The following CLPTM1L variants were observed in gnomAD, a reference collection of about 807,000 sequenced individuals.
CLPTM1L encodes lipid scramblase CLPTM1L.
In CLPTM1L, 38 loss-of-function variants were observed where a neutral mutation model predicts 70.9. That is an observed-to-expected ratio of 0.54 (90% CI 0.41 to 0.70). The LOEUF is 0.70. CLPTM1L is among the 30% of genes least tolerant of loss of function. CLPTM1L has a pLI of 0.00. For missense variants in CLPTM1L, 652 were observed against 705.9 expected (o/e 0.92, Z 0.87); for synonymous variants, 339 against 299.9 (o/e 1.13, Z -1.35).
chr5:1,344,400 C>T lies in CLPTM1L; in HGVS notation c.214G>A (p.Asp72Asn), dbSNP rs1754140803. ...RSHLGAENNI[D>N]LVLNVEDFDV... ...AAGTCTTCCACATTCAAGACCAGGT[C>T]GATGTTGTTCTCAGCACCCAGGTGG... Residue 72 changes from aspartate to asparagine, a missense_variant, in exon 2 of 17, where the codon GAC becomes AAC. Asp to Asn is a conservative substitution (Grantham distance 23). Transcript: ENST00000320895. The T allele has an allele frequency of 6.2e-7, 1 of 1,613,754 alleles. No homozygotes were observed. The highest frequency in any genetic ancestry group is 1.7e-5 in the Admixed American group (1 of 60,004).
chr5:1,343,612 A>G (rs1359328668), intron 2 of CLPTM1L, among the ~76,000 whole-genome samples: 1 of 152,094 alleles, frequency 6.6e-6, no homozygotes. Flanking sequence ...TCATGGAGGC[A>G]GAGAGAGGGC....
At chr5:1,332,820 C>T (rs906961450) in intron 7 of CLPTM1L, among the ~76,000 whole-genome samples, 20 of 152,224 alleles carry the variant, frequency 1.3e-4, no homozygotes, top group Non-Finnish European at 2.8e-4. Context: ...TTACATAATA[C>T]ATATATTCAT....
intron 8 of CLPTM1L, chr5:1,331,221 AG>A (rs1464177897): frequency 1.3e-5 from 2 of 154,634 alleles, no homozygotes; most frequent in Admixed American, 1.3e-4. Flanking sequence ...ACCCTTGGCC[AG>A]GAACACTGGT....
At position 1,337,918 on chromosome 5, in the gene CLPTM1L, C is replaced by T. The variant is rs142254650; in HGVS notation, c.664G>A (p.Val222Met). 1.1e-5 allele frequency: 18 copies of T among 1,601,910 alleles called. No homozygotes were observed. The highest frequency in any genetic ancestry group is 3.4e-5 in the South Asian group (3 of 87,938). Residue 222 changes from valine to methionine, a missense_variant, in exon 5 of 17, where the codon GTG (valine) becomes ATG (methionine). Val to Met is a conservative substitution (Grantham distance 21, BLOSUM62 1). This residue lies in a region of CLPTM1L where 402 missense variants were observed against 388.2 expected (regional missense o/e 1.04). Coordinates refer to ENST00000320895, the MANE Select transcript of CLPTM1L (RefSeq NM_030782.5). Reference protein sequence around the residue: ...ILFIDQLSNRVKDLMVINRST... With the variant: ...ILFIDQLSNRMKDLMVINRST... Reference sequence around the variant, plus strand: ...GTGTCACTCACCATCAGGTCCTTCACGCGGTTGCTGAGCTGGTCGATGAAC... The same window carrying T: ...GTGTCACTCACCATCAGGTCCTTCATGCGGTTGCTGAGCTGGTCGATGAAC...
chr5:1,322,169 G>C (rs1465369793), intron 13 of CLPTM1L, among the ~76,000 whole-genome samples: 1 of 152,186 alleles, frequency 6.6e-6, no homozygotes, highest in Non-Finnish European at 1.5e-5. Flanking sequence ...GTCAGGTGTG[G>C]GACTCCTACC....
Position 1,320,608 on chromosome 5 carries a change from G to C in CLPTM1L, c.1532+8C>G. On this transcript the variant is annotated splice_region_variant and intron_variant, in intron 16 of 16. Transcript: ENST00000320895. The stretch of plus-strand genomic sequence containing the variant: ...GAGCAACGGCCGAGCATACGCAGCC[G>C]CACTCACCACCGCTGGTACAGGTAG... The C allele has an allele frequency of 6.7e-7, 1 of 1,501,568 alleles. No individual in the cohort carries two copies. The highest frequency in any genetic ancestry group is 9.0e-7 in the Non-Finnish European group (1 of 1,111,564). 93.0% of individuals were successfully genotyped at this position (1,501,568 alleles called of 1,614,324 possible).
intron 4 of CLPTM1L, 97 bp from the exon 5 acceptor site, chr5:1,338,079 C>A: frequency 2.1e-6 from 2 of 958,602 alleles, no homozygotes; most frequent in Non-Finnish European, 3.3e-6. Context: ...AGAGAAGTGC[C>A]CCCAGCACCA....
chr5:1,334,166 G>T, intron 7 of CLPTM1L, 123 bp downstream of exon 7: 1 of 644,750 alleles, frequency 1.6e-6, no homozygotes. Flanking sequence ...GATGGGAGTG[G>T]ACACTTGAGG....
intron 9 of CLPTM1L, among the ~76,000 whole-genome samples, chr5:1,329,172 G>T (rs1752900662): frequency 6.6e-6 from 1 of 152,258 alleles, no homozygotes; most frequent in Non-Finnish European, 1.5e-5. Context: ...CCCCCCTCAA[G>T]GGTTTGCTCC....
At chr5:1,343,034 TA>T (rs1343213109) in intron 2 of CLPTM1L, among the ~76,000 whole-genome samples, 1 of 152,000 alleles carries the variant, frequency 6.6e-6, no homozygotes, top group Non-Finnish European at 1.5e-5. Flanking sequence ...CTACTAAAAA[TA>T]AAAAAATTAG....
At chr5:1,344,210 T>G in intron 2 of CLPTM1L, 141 bp downstream of exon 2, 1 of 673,990 alleles carries the variant, frequency 1.5e-6, no homozygotes, top group South Asian at 1.7e-5. Context: ...AGGCCTCCAG[T>G]TAGGATATTC....
chr5:1,327,643 G>C (rs1183797183), intron 9 of CLPTM1L, among the ~76,000 whole-genome samples: 2 of 148,690 alleles, frequency 1.3e-5, no homozygotes, highest in African/African-American at 5.0e-5. Flanking sequence ...ATTCCACCCA[G>C]CTCCTCCTCT....
intron 3 of CLPTM1L, among the ~76,000 whole-genome samples, chr5:1,340,615 A>G (rs189457214): frequency 1.2e-3 from 177 of 152,288 alleles, no homozygotes; most frequent in African/African-American, 4.1e-3. Context: ...ATGAGGGGAC[A>G]CGGAGAGGGG....
Position 1,335,159 on chromosome 5 carries a change from T to C in CLPTM1L, c.694A>G (p.Thr232Ala). The change falls in exon 6 of 17, where the codon ACC becomes GCC. Residue 232 changes from threonine to alanine, a missense_variant. Thr to Ala is a moderately conservative substitution (Grantham distance 58). This residue lies in a region of CLPTM1L where 402 missense variants were observed against 388.2 expected (regional missense o/e 1.04). Transcript: ENST00000320895. ...VKDLMVINRS[T>A]TELPLTVSYD... ...GACACGGTGAGGGGCAGCTCGGTGG[T>C]GGAGCGGTTTATGACCTGATGAAGA... is the stretch of plus-strand genomic sequence containing the variant. 2 of 1,613,544 alleles carry C rather than the reference T, an allele frequency of 1.2e-6. No homozygotes were observed. The highest frequency in any genetic ancestry group is 1.7e-6 in the Non-Finnish European group (2 of 1,179,954).
chr5:1,330,303 C>A lies in CLPTM1L; in HGVS notation c.1057G>T (p.Ala353Ser), dbSNP rs765315814. ...ACCTCAATGGCGGCTCCAACACCCG[C>A]CGGGACCAGCACCAGCAGGCTCGTC... ...EQTSLLVLVP[A>S]GVGAAIELWK... is the part of the protein sequence containing the mutation. Residue 353 changes from alanine to serine, a missense_variant, in exon 9 of 17, where the codon GCG becomes TCG. Physicochemically the swap from Ala to Ser is moderately conservative, Grantham distance 99. Coordinates refer to ENST00000320895, the MANE Select transcript of CLPTM1L (RefSeq NM_030782.5). The A allele has an allele frequency of 1.2e-6, 2 of 1,612,844 alleles. No individual in the cohort carries two copies. Among genetic ancestry groups the A allele is most frequent in the South Asian group, 2.2e-5 (2 of 91,080 alleles).
chr5:1,334,487 C>A, intron 6 of CLPTM1L, 104 bp from the exon 7 acceptor site: 1 of 762,794 alleles, frequency 1.3e-6, no homozygotes, highest in Non-Finnish European at 2.2e-6. Flanking sequence ...GGCGCAGTGG[C>A]TCATGCCTGT....
At chr5:1,333,740 TAAG>T (rs2111237704) in intron 7 of CLPTM1L, among the ~76,000 whole-genome samples, 1 of 95,256 alleles carries the variant, frequency 1.0e-5, no homozygotes, top group East Asian at 2.6e-4. Flanking sequence ...CGGATGAGGA[TAAG>T]GGGGGACTAC....
intron 5 of CLPTM1L, among the ~76,000 whole-genome samples, chr5:1,337,441 C>T (rs538600570): frequency 3.5e-4 from 53 of 152,352 alleles, no homozygotes; most frequent in Non-Finnish European, 6.0e-4. Flanking sequence ...GGGGCCACCC[C>T]GGGGGCTCCA....
intron 9 of CLPTM1L, among the ~76,000 whole-genome samples, chr5:1,327,881 C>A (rs1241365841): frequency 7.7e-6 from 1 of 130,478 alleles, no homozygotes; most frequent in African/African-American, 2.9e-5. Flanking sequence ...TCCAGCTCCT[C>A]CTCTACAGGG....
Sources: allele counts gnomAD v4.1 joint callset (sites outside exome capture counted in the v4.1 genomes callset), GRCh38; gene constraint gnomAD v4.1.1; regional missense constraint gnomAD v4.1.1; transcripts MANE v1.5; gene names NCBI Gene and HGNC (gene_info 2026-07-23, HGNC 2026-07-21).